The following MTMR3 variants were observed in gnomAD, a reference collection of about 807,000 sequenced individuals.
MTMR3 encodes phosphatidylinositol-3,5-bisphosphate 3-phosphatase MTMR3.
MTMR3 carries 32 observed loss-of-function variants against 132.4 expected under a neutral mutation model. That is an observed-to-expected ratio of 0.24 (90% CI 0.18 to 0.32). MTMR3 has a LOEUF of 0.32. Among genes scored for constraint, MTMR3 ranks in the 10% least tolerant of loss-of-function variants. The pLI, the probability that MTMR3 is intolerant of heterozygous loss-of-function variation, is 1.00. For synonymous variants in MTMR3, 556 were observed against 550.3 expected, an observed-to-expected ratio of 1.01 and a Z score of -0.14; for missense variants, 1,216 against 1,489.6, an observed-to-expected ratio of 0.82 and a Z score of 3.02.
intron 1 of MTMR3, among the ~76,000 whole-genome samples, chr22:29,925,821 A>G (rs2065505051): frequency 6.6e-6 from 1 of 152,306 alleles, no homozygotes; most frequent in South Asian, 2.1e-4. Flanking sequence ...AGGCTGAGGC[A>G]TGAGAATCAC....
intron 1 of MTMR3, among the ~76,000 whole-genome samples, chr22:29,936,926 C>G (rs552815494): frequency 6.6e-6 from 1 of 152,000 alleles, no homozygotes; most frequent in African/African-American, 2.4e-5. Context: ...TAGGTTTTTT[C>G]GTATTACTGA....
chr22:29,972,720 G>A (rs928324403), intron 3 of MTMR3, among the ~76,000 whole-genome samples: 1 of 152,102 alleles, frequency 6.6e-6, no homozygotes, highest in Non-Finnish European at 1.5e-5. Context: ...ACAGGCACCT[G>A]CCACCATGCT....
In MTMR3 at chr22:30,026,914, C is replaced by T. The variant is rs915547744; in HGVS notation, c.*1113C>T. On this transcript the variant is annotated 3_prime_UTR_variant, in exon 20 of 20. Transcript: ENST00000401950. ...CAGGAATAACTGCTGAGCAGTCCCC[C>T]TTTGCCACTCCTGGCTGTCTGAGTG... 6.5e-6 allele frequency: 1 copy of T among 152,862 alleles called. No homozygotes were observed. Among genetic ancestry groups the T allele is most frequent in the South Asian group, 2.1e-4 (1 of 4,838 alleles). The allele number at this position is 152,862 out of a possible 1,614,324, so 9.5% of individuals were successfully genotyped here.
chr22:29,896,129 G>A (rs2064890786), intron 1 of MTMR3, among the ~76,000 whole-genome samples: 1 of 152,118 alleles, frequency 6.6e-6, no homozygotes, highest in South Asian at 2.1e-4. Context: ...GGCCAACGTG[G>A]TGAAACCCCA....
chr22:29,958,522 T>C (rs1179268265), intron 2 of MTMR3, among the ~76,000 whole-genome samples: 1 of 152,166 alleles, frequency 6.6e-6, no homozygotes, highest in Non-Finnish European at 1.5e-5. Flanking sequence ...CTCTCCAAGG[T>C]GCTTTTTTGT....
chr22:29,919,395 C>T (rs892381178), intron 1 of MTMR3, among the ~76,000 whole-genome samples: 17 of 152,168 alleles, frequency 1.1e-4, no homozygotes, highest in South Asian at 4.1e-4. Flanking sequence ...AAAGCAAAAG[C>T]TAGCTGAGAA....
chr22:29,927,650 A>G (rs1244127823), intron 1 of MTMR3, among the ~76,000 whole-genome samples: 7 of 152,048 alleles, frequency 4.6e-5, no homozygotes, highest in Admixed American at 4.6e-4. Flanking sequence ...TCAAATACTG[A>G]TGGCCTTTCT....
At position 29,988,519 on chromosome 22, in the gene MTMR3, A is replaced by G. The variant is rs370984019; in HGVS notation, c.250A>G (p.Ile84Val). Residue 84 changes from isoleucine to valine, a missense_variant, in exon 6 of 20, where the codon ATA becomes GTA. This residue lies in a region of MTMR3 where 129 missense variants were observed against 245.7 expected (regional missense o/e 0.53). Coordinates refer to ENST00000401950, the MANE Select transcript of MTMR3 (RefSeq NM_021090.4). ...TATAGAAAGTGTTGAATGCCGAGATATATTTCAGCTTCATTTGACTTGCAA... is the reference window on the plus strand; with the variant it reads ...TATAGAAAGTGTTGAATGCCGAGATGTATTTCAGCTTCATTTGACTTGCAA... ...QLIESVECRDIFQLHLTCKDC... is the reference protein window; with the variant it reads ...QLIESVECRDVFQLHLTCKDC... The G allele has an allele frequency of 2.1e-5, 34 of 1,612,928 alleles. No homozygotes were observed. The highest frequency in any genetic ancestry group is 2.7e-5 in the Non-Finnish European group (32 of 1,179,404).
chr22:30,025,268 TTGCC>T, intron 19 of MTMR3: 1 of 250,320 alleles, frequency 4.0e-6, no homozygotes, highest in South Asian at 5.7e-5. Flanking sequence ...ACAGAGGGCA[TTGCC>T]TAGGTGGGTG....
chr22:29,916,873 T>C (rs1044285031), intron 1 of MTMR3, among the ~76,000 whole-genome samples: 1 of 152,224 alleles, frequency 6.6e-6, no homozygotes, highest in African/African-American at 2.4e-5. Flanking sequence ...AATAGTACCC[T>C]GGATCTGCTA....
chr22:29,967,975 T>A (rs2066462602), intron 2 of MTMR3, among the ~76,000 whole-genome samples: 1 of 152,060 alleles, frequency 6.6e-6, no homozygotes, highest in Non-Finnish European at 1.5e-5. Context: ...CATTCACATT[T>A]TGTTTGTCCA....
intron 11 of MTMR3, 176 bp from the exon 12 acceptor site, chr22:30,008,842 C>T: frequency 2.1e-6 from 1 of 468,984 alleles, no homozygotes; most frequent in South Asian, 4.1e-5. Flanking sequence ...AGCTAAAATT[C>T]AGTGTGTTCC....
At chr22:29,978,382 A>G (rs2066672703) in intron 3 of MTMR3, 60 bp from the exon 4 acceptor site, 1 of 1,431,974 alleles carries the variant, frequency 7.0e-7, no homozygotes, top group Admixed American at 1.8e-5. Context: ...ATATGGCAGA[A>G]AAACCAAATA....
chr22:30,007,065 CAG>C lies in MTMR3; in HGVS notation c.672-44_672-43del, dbSNP rs1455267770. ...ACTTAAAATCTATTTTGTGTGAGTA[CAG>C]AGAGCATCTGAATGGGTACAGTTGT... On this transcript the variant is annotated intron_variant, in intron 9 of 19. Transcript: ENST00000401950. The C allele has an allele frequency of 8.2e-6, 13 of 1,594,172 alleles. 1 individual carries two copies. The Admixed American group carries it at 1.7e-4, about 21-fold the overall frequency.
At chr22:29,913,442 C>T (rs1453113710) in intron 1 of MTMR3, among the ~76,000 whole-genome samples, 1 of 152,150 alleles carries the variant, frequency 6.6e-6, no homozygotes, top group Non-Finnish European at 1.5e-5. Context: ...CTGGTCTTAA[C>T]CAGAGCACAT....
At position 30,020,382 on chromosome 22, in the gene MTMR3, T is replaced by C. The variant is rs1277755841; in HGVS notation, c.2723T>C (p.Leu908Pro). 6.2e-7 allele frequency: 1 copy of C among 1,614,184 alleles called. No individual in the cohort carries two copies. Among genetic ancestry groups the C allele is most frequent in the Admixed American group, 1.7e-5 (1 of 60,022 alleles). Residue 908 changes from leucine (L) to proline (P), a missense_variant, in exon 17 of 20, where the codon CTC (leucine) becomes CCC (proline). Coordinates refer to ENST00000401950, the MANE Select transcript of MTMR3 (RefSeq NM_021090.4). The part of the protein sequence containing the change: ...VVHRTSLGST[L>P]SLTRSPCALP... Reference sequence around the variant, plus strand: ...CATAGGACTTCCCTTGGCAGCACTCTCAGCCTGACACGTTCCCCTTGTGCC... The same window carrying C: ...CATAGGACTTCCCTTGGCAGCACTCCCAGCCTGACACGTTCCCCTTGTGCC...
In MTMR3 at chr22:30,029,460, AAAG is replaced by A. The variant is rs1317882058; in HGVS notation, c.*3660_*3662del. ...ATTAGAATGTTACTGTGGTAGATCT[AAAG>A]GAGAATGAACAGAAGGTGCTGGAGG... On this transcript the variant is annotated 3_prime_UTR_variant, in exon 20 of 20. Coordinates refer to ENST00000401950, the MANE Select transcript of MTMR3 (RefSeq NM_021090.4). 6.6e-6 allele frequency: 1 copy of A among 152,342 alleles called. No individual in the cohort carries two copies. The highest frequency in any genetic ancestry group is 6.5e-5 in the Admixed American group (1 of 15,284). 9.4% of individuals were successfully genotyped at this position (152,342 alleles called of 1,614,324 possible).
chr22:29,894,963 A>G (rs1415726364), intron 1 of MTMR3, among the ~76,000 whole-genome samples: 2 of 152,236 alleles, frequency 1.3e-5, no homozygotes, highest in African/African-American at 4.8e-5. Context: ...CTATAATACC[A>G]GCACTTTGGG....
At chr22:29,920,234 CA>C (rs143058012) in intron 1 of MTMR3, among the ~76,000 whole-genome samples, 11,691 of 150,788 alleles carry the variant, frequency 0.078, 526 homozygotes, top group African/African-American at 0.092. Flanking sequence ...ACAAAAAACC[CA>C]AAAAAAATTA....
Sources: allele counts gnomAD v4.1 joint callset (sites outside exome capture counted in the v4.1 genomes callset), GRCh38; gene constraint gnomAD v4.1.1; regional missense constraint gnomAD v4.1.1; transcripts MANE v1.5; gene names NCBI Gene and HGNC (gene_info 2026-07-23, HGNC 2026-07-21).